Variants in DLG2 observed in about 807,000 individuals in gnomAD.
DLG2 encodes disks large homolog 2.
Under a neutral mutation model 132.5 loss-of-function variants are expected in DLG2, and 45 were observed. That is an observed-to-expected ratio of 0.34 (90% confidence interval 0.27 to 0.44). The LOEUF (loss-of-function observed/expected upper bound fraction) is 0.44. Ranked by LOEUF, DLG2 falls within the 20% of genes least tolerant of loss-of-function variation. The pLI is 1.00. For missense variants in DLG2, 1,045 were observed against 1,196.9 expected (o/e 0.87, Z 1.87); for synonymous variants, 424 against 419.6 (o/e 1.01, Z -0.13).
chr11:84,602,295 T>C (rs1428204152), intron 6 of DLG2, among the ~76,000 whole-genome samples: 2 of 151,636 alleles, frequency 1.3e-5, no homozygotes, highest in South Asian at 2.1e-4. Flanking sequence ...AAGAAATACC[T>C]ATTATTTTCT....
At chr11:84,744,898 T>TAAAAAAA (rs758776805) in intron 6 of DLG2, among the ~76,000 whole-genome samples, 7 of 71,810 alleles carry the variant, frequency 9.7e-5, no homozygotes, top group Admixed American at 4.9e-4. Context: ...AGTAAAGGTC[T>TAAAAAAA]AAAAAAAAAA....
intron 15 of DLG2, among the ~76,000 whole-genome samples, chr11:83,921,428 T>G (rs1158027833): frequency 6.6e-6 from 1 of 152,216 alleles, no homozygotes; most frequent in African/African-American, 2.4e-5. Context: ...TCAAACCATG[T>G]ACCGTAATAT....
chr11:85,546,989 T>C (rs534150616), intron 3 of DLG2, among the ~76,000 whole-genome samples: 1 of 152,304 alleles, frequency 6.6e-6, no homozygotes, highest in Admixed American at 6.5e-5. Flanking sequence ...AATTGGGGCA[T>C]TTAGTCCATT....
At chr11:84,320,172 A>G (rs1009613264) in intron 7 of DLG2, among the ~76,000 whole-genome samples, 1 of 152,216 alleles carries the variant, frequency 6.6e-6, no homozygotes, top group South Asian at 2.1e-4. Flanking sequence ...TGCACAGAGC[A>G]ATGCCTAGAT....
At chr11:85,130,313 A>G (rs1461167092) in intron 5 of DLG2, among the ~76,000 whole-genome samples, 2 of 152,112 alleles carry the variant, frequency 1.3e-5, no homozygotes, top group Non-Finnish European at 2.9e-5. Flanking sequence ...TCTTCTTACA[A>G]TCTTTAGGAA....
At chr11:85,341,883 C>T (rs1169029520) in intron 3 of DLG2, among the ~76,000 whole-genome samples, 1 of 152,040 alleles carries the variant, frequency 6.6e-6, no homozygotes, top group Non-Finnish European at 1.5e-5. Context: ...ATACTGTAGG[C>T]AATTATAGAA....
intron 3 of DLG2, among the ~76,000 whole-genome samples, chr11:85,486,267 G>C (rs536171972): frequency 4.6e-5 from 7 of 150,994 alleles, no homozygotes; most frequent in African/African-American, 1.7e-4. Context: ...TGTGAGACCA[G>C]AGCAAGAGCA....
At chr11:84,519,740 C>A (rs1369270790) in intron 7 of DLG2, among the ~76,000 whole-genome samples, 1 of 152,116 alleles carries the variant, frequency 6.6e-6, no homozygotes, top group African/African-American at 2.4e-5. Context: ...CCTTAACCAG[C>A]CAGTAACTGT....
intron 6 of DLG2, among the ~76,000 whole-genome samples, chr11:84,763,099 C>G (rs2067874727): frequency 6.6e-6 from 1 of 152,192 alleles, no homozygotes; most frequent in African/African-American, 2.4e-5. Flanking sequence ...AACTCCTATG[C>G]AACTTTCAGG....
intron 6 of DLG2, among the ~76,000 whole-genome samples, chr11:84,682,425 T>C (rs2099733543): frequency 6.6e-6 from 1 of 152,144 alleles, no homozygotes; most frequent in Admixed American, 6.5e-5. Context: ...AGGCAAGGAA[T>C]ATTTTGGTTC....
chr11:84,644,664 C>G (rs946399577), intron 6 of DLG2, among the ~76,000 whole-genome samples: 4 of 150,666 alleles, frequency 2.7e-5, no homozygotes, highest in African/African-American at 9.8e-5. Context: ...TGAGATCGTG[C>G]CACTGCACTC....
intron 3 of DLG2, among the ~76,000 whole-genome samples, chr11:85,290,291 A>T (rs976558891): frequency 2.0e-5 from 3 of 152,174 alleles, no homozygotes; most frequent in Admixed American, 2.0e-4. Flanking sequence ...TTAAAGAATC[A>T]TCTATAAATT....
At chr11:84,908,442 C>G (rs571196291) in intron 6 of DLG2, among the ~76,000 whole-genome samples, 1 of 152,218 alleles carries the variant, frequency 6.6e-6, no homozygotes, top group East Asian at 1.9e-4. Flanking sequence ...TCAGACAGTA[C>G]GACTCAAGTG....
intron 7 of DLG2, among the ~76,000 whole-genome samples, chr11:84,423,203 A>T (rs1426964085): frequency 1.3e-5 from 2 of 152,136 alleles, no homozygotes; most frequent in Non-Finnish European, 2.9e-5. Flanking sequence ...AACATTGCAA[A>T]TGTATTTAAT....
chr11:84,798,796 T>C (rs1177561380), intron 6 of DLG2, among the ~76,000 whole-genome samples: 1 of 152,156 alleles, frequency 6.6e-6, no homozygotes, highest in African/African-American at 2.4e-5. Flanking sequence ...TGACATATAC[T>C]GCCAGGACTA....
At chr11:83,791,450 C>T (rs2041531420) in intron 17 of DLG2, 1 of 712,332 alleles carries the variant, frequency 1.4e-6, no homozygotes, top group East Asian at 3.0e-5. Context: ...TAGCAGCTAC[C>T]AAATTAGGAA....
intron 7 of DLG2, among the ~76,000 whole-genome samples, chr11:84,386,881 A>G (rs1331535853): frequency 2.0e-5 from 3 of 152,100 alleles, no homozygotes; most frequent in Non-Finnish European, 4.4e-5. Context: ...CAGCCTTCCT[A>G]GAGTTTTTCC....
At chr11:84,198,114 G>T (rs544285716) in intron 8 of DLG2, among the ~76,000 whole-genome samples, 1 of 152,042 alleles carries the variant, frequency 6.6e-6, no homozygotes, top group South Asian at 2.1e-4. Context: ...TAGATATTTT[G>T]CCTTGAAAAC....
intron 8 of DLG2, among the ~76,000 whole-genome samples, chr11:84,194,459 G>A (rs764537741): frequency 1.3e-5 from 2 of 152,150 alleles, no homozygotes; most frequent in East Asian, 1.9e-4. Context: ...TGAGCAGCAG[G>A]AAGACTTATT....
Sources: gnomAD v4.1 joint callset for allele counts (sites outside exome capture counted in the v4.1 genomes callset) on GRCh38, gnomAD v4.1.1 for gene constraint, MANE v1.5 for transcripts, NCBI Gene and HGNC (gene_info 2026-07-23, HGNC 2026-07-21) for gene names.